FRMD5: variants seen among roughly 807,000 people sequenced by gnomAD.
FRMD5 encodes FERM domain containing 5.
A neutral mutation model predicts 69.0 loss-of-function variants in FRMD5; 20 were observed. The observed-to-expected ratio is 0.29, with a 90% CI of 0.20 to 0.42. The LOEUF (loss-of-function observed/expected upper bound fraction) is 0.42, where lower values mean the gene tolerates loss of function less well. Among genes scored for constraint, FRMD5 ranks in the 10% least tolerant of loss-of-function variants. The pLI is 1.00. For synonymous variants in FRMD5, 271 were observed against 260.1 expected, an observed-to-expected ratio of 1.04 and a Z score of -0.40; for missense variants, 595 against 708.6, an observed-to-expected ratio of 0.84 and a Z score of 1.82.
chr15:44,153,566 G>A (rs562231623), intron 1 of FRMD5, among the ~76,000 whole-genome samples: 26 of 152,368 alleles, frequency 1.7e-4, no homozygotes, highest in African/African-American at 5.8e-4. Flanking sequence ...GGAAGTTATT[G>A]TTTAAAGGGT....
chr15:43,893,538 C>T (rs564126044), intron 7 of FRMD5, among the ~76,000 whole-genome samples: 10 of 152,318 alleles, frequency 6.6e-5, no homozygotes, highest in Admixed American at 1.3e-4. Flanking sequence ...TTGGCACCGT[C>T]AGGCTGCATG....
At chr15:44,067,373 G>T (rs1414887882) in intron 1 of FRMD5, among the ~76,000 whole-genome samples, 1 of 152,152 alleles carries the variant, frequency 6.6e-6, no homozygotes, top group Non-Finnish European at 1.5e-5. Flanking sequence ...AGTTAAAATG[G>T]TCATATTCAA....
chr15:44,011,626 T>C (rs574270931), intron 1 of FRMD5, among the ~76,000 whole-genome samples: 3 of 152,152 alleles, frequency 2.0e-5, no homozygotes, highest in Admixed American at 2.0e-4. Context: ...AATGAGCTGA[T>C]GCCATGAAAG....
intron 7 of FRMD5, among the ~76,000 whole-genome samples, chr15:43,893,021 T>C (rs1410128219): frequency 6.6e-6 from 1 of 151,920 alleles, no homozygotes; most frequent in East Asian, 1.9e-4. Context: ...GGAGAATTGC[T>C]TGAACCCAGG....
At chr15:44,063,341 T>G (rs970266374) in intron 1 of FRMD5, among the ~76,000 whole-genome samples, 3 of 152,236 alleles carry the variant, frequency 2.0e-5, no homozygotes, top group Non-Finnish European at 4.4e-5. Flanking sequence ...TTGTCAAATT[T>G]ATTAGCATAA....
chr15:44,041,883 G>C (rs1292777704), intron 1 of FRMD5, among the ~76,000 whole-genome samples: 1 of 152,052 alleles, frequency 6.6e-6, no homozygotes, highest in Non-Finnish European at 1.5e-5. Context: ...AGAGAAGCAA[G>C]AGCAAACAAA....
At chr15:44,087,781 TCATCATC>T (rs1566939323) in intron 1 of FRMD5, among the ~76,000 whole-genome samples, 24 of 146,942 alleles carry the variant, frequency 1.6e-4, no homozygotes, top group South Asian at 4.2e-4. Context: ...ATCATCATCA[TCATCATC>T]CCAGGCATTG....
At chr15:44,121,066 G>A (rs560891228) in intron 1 of FRMD5, among the ~76,000 whole-genome samples, 2 of 152,050 alleles carry the variant, frequency 1.3e-5, no homozygotes, top group Non-Finnish European at 2.9e-5. Context: ...AGAAGTTCAA[G>A]TATAACCCCC....
At chr15:44,004,579 C>A (rs1484776438) in intron 1 of FRMD5, among the ~76,000 whole-genome samples, 1 of 152,194 alleles carries the variant, frequency 6.6e-6, no homozygotes, top group African/African-American at 2.4e-5. Context: ...GCACCATAAG[C>A]CATGCCCATA....
At chr15:43,884,131 G>T (rs1004331595) in intron 12 of FRMD5, among the ~76,000 whole-genome samples, 2 of 152,112 alleles carry the variant, frequency 1.3e-5, no homozygotes, top group Non-Finnish European at 2.9e-5. Context: ...CTGAAAATAT[G>T]CCTGGACCAA....
At position 44,010,242 on chromosome 15, in the gene FRMD5, C is replaced by G. The variant is rs150465417; in HGVS notation, c.103-85933G>C. ...ACTCAAGAGGAAAGCAAGTTGCCTT[C>G]TGTCTCCACTTTACACACAGCAGAA... On this transcript the variant is annotated intron_variant, in intron 1 of 13. Coordinates refer to ENST00000417257, the MANE Select transcript of FRMD5 (RefSeq NM_032892.5). Among the ~76,000 whole-genome samples the G allele has an allele frequency of 6.5e-4, 99 of 152,322 alleles. 1 individual carries two copies. The South Asian group carries it at 9.9e-3, about 15-fold the overall frequency.
At chr15:44,152,876 T>C (rs1168378507) in intron 1 of FRMD5, among the ~76,000 whole-genome samples, 1 of 36,372 alleles carries the variant, frequency 2.7e-5, no homozygotes, top group African/African-American at 4.7e-5. Flanking sequence ...TGCAAATATT[T>C]TCTAAAAAAA....
intron 1 of FRMD5, among the ~76,000 whole-genome samples, chr15:43,936,473 G>A (rs1335966340): frequency 2.0e-5 from 3 of 152,170 alleles, no homozygotes; most frequent in Non-Finnish European, 4.4e-5. Context: ...TTACAGCCAT[G>A]AGCCACCACG....
At chr15:44,014,732 C>T (rs534378772) in intron 1 of FRMD5, among the ~76,000 whole-genome samples, 7 of 151,060 alleles carry the variant, frequency 4.6e-5, no homozygotes, top group African/African-American at 1.2e-4. Context: ...AGCGAGACTT[C>T]GTCTCAAAAA....
intron 1 of FRMD5, among the ~76,000 whole-genome samples, chr15:43,960,733 T>G (rs987049423): frequency 1.3e-5 from 2 of 152,170 alleles, no homozygotes; most frequent in Non-Finnish European, 2.9e-5. Flanking sequence ...AAACCAACAG[T>G]TCTCCTTAGG....
chr15:43,882,033 C>T (rs551471753), intron 13 of FRMD5, among the ~76,000 whole-genome samples: 3 of 152,250 alleles, frequency 2.0e-5, no homozygotes, highest in Admixed American at 1.3e-4. Flanking sequence ...TGCTGTTTCC[C>T]GCTGTGTGAG....
At chr15:44,048,591 G>A (rs2140338216) in intron 1 of FRMD5, among the ~76,000 whole-genome samples, 1 of 151,636 alleles carries the variant, frequency 6.6e-6, no homozygotes, top group Non-Finnish European at 1.5e-5. Context: ...GGTTTTTTTT[G>A]AGATAGAGTC....
chr15:43,951,315 G>A lies in FRMD5; in HGVS notation c.103-27006C>T, dbSNP rs577384928. 4.6e-5 allele frequency among the ~76,000 whole-genome samples: 7 copies of A among 151,696 alleles called. No individual in the cohort carries two copies. The South Asian group carries it at 6.3e-4, about 14-fold the overall frequency. On this transcript the variant is annotated intron_variant, in intron 1 of 13. Coordinates refer to ENST00000417257, the MANE Select transcript of FRMD5 (RefSeq NM_032892.5). Reference sequence around the variant, plus strand: ...CGGGCACCTGTAGTCCCAGCTACTCGGGAGGCTGAGGCAGGAGAATGGTGT... The same window carrying A: ...CGGGCACCTGTAGTCCCAGCTACTCAGGAGGCTGAGGCAGGAGAATGGTGT...
At chr15:44,194,048 T>C (rs1280209344) in intron 1 of FRMD5, among the ~76,000 whole-genome samples, 2 of 152,166 alleles carry the variant, frequency 1.3e-5, no homozygotes, top group Admixed American at 1.3e-4. Flanking sequence ...CACGGGAGCA[T>C]TGTCAATGTT....
Sources: allele counts gnomAD v4.1 joint callset (sites outside exome capture counted in the v4.1 genomes callset), GRCh38; gene constraint gnomAD v4.1.1; transcripts MANE v1.5; gene names NCBI Gene and HGNC (gene_info 2026-07-23, HGNC 2026-07-21).